MAPRE2: variants seen among roughly 807,000 people sequenced by gnomAD.
The protein encoded by MAPRE2 is microtubule associated protein RP/EB family member 2, also known as microtubule-associated protein RP/EB family member 2.
Under a neutral mutation model 43.2 loss-of-function variants are expected in MAPRE2, and 13 were observed. The observed-to-expected ratio is 0.30, with a 90% confidence interval of 0.20 to 0.48. The LOEUF is 0.48. Among genes scored for constraint, MAPRE2 ranks in the 20% least tolerant of loss-of-function variants. MAPRE2 has a pLI of 0.99. For synonymous variants in MAPRE2, 135 were observed against 148.8 expected (o/e 0.91, Z 0.68); for missense variants, 161 against 400.2 (o/e 0.40, Z 5.10).
At chr18:35,077,245 GCGCGCA>G (rs1249593997) in intron 2 of MAPRE2, among the ~76,000 whole-genome samples, 2 of 122,470 alleles carry the variant, frequency 1.6e-5, no homozygotes, top group Admixed American at 7.9e-5. Context: ...GCGCGTGCGC[GCGCGCA>G]CACACACACA....
intron 2 of MAPRE2, among the ~76,000 whole-genome samples, chr18:35,028,701 G>A (rs964976541): frequency 6.6e-6 from 1 of 152,196 alleles, no homozygotes; most frequent in Non-Finnish European, 1.5e-5. Flanking sequence ...CCGAAAGAGG[G>A]AGGAGCAAAC....
chr18:35,042,083 A>T (rs1191156467), intron 1 of MAPRE2, among the ~76,000 whole-genome samples: 1 of 152,120 alleles, frequency 6.6e-6, no homozygotes, highest in Non-Finnish European at 1.5e-5. Context: ...TAACCTGGAG[A>T]GTGTGCAGGA....
intron 1 of MAPRE2, among the ~76,000 whole-genome samples, chr18:35,049,687 T>G (rs1407167874): frequency 6.6e-6 from 1 of 152,198 alleles, no homozygotes; most frequent in Non-Finnish European, 1.5e-5. Flanking sequence ...TGGCTGTCAT[T>G]GGTTCAGAAG....
intron 2 of MAPRE2, among the ~76,000 whole-genome samples, chr18:35,008,444 G>T (rs1422175516): frequency 6.6e-6 from 1 of 151,958 alleles, no homozygotes; most frequent in African/African-American, 2.4e-5. Context: ...TTCCATTTTT[G>T]CATATTTGGT....
chr18:34,979,671 A>T (rs926049417), intron 1 of MAPRE2, among the ~76,000 whole-genome samples: 2 of 152,204 alleles, frequency 1.3e-5, no homozygotes, highest in African/African-American at 4.8e-5. Context: ...TAAATTTTGC[A>T]TACAAAAAAG....
At chr18:35,054,517 T>C (rs1906115937) in intron 1 of MAPRE2, among the ~76,000 whole-genome samples, 3 of 152,202 alleles carry the variant, frequency 2.0e-5, no homozygotes, top group Admixed American at 1.3e-4. Flanking sequence ...AGTCAGATGA[T>C]TCTCTCTGTT....
intron 4 of MAPRE2, among the ~76,000 whole-genome samples, chr18:35,111,334 T>C (rs1049281293): frequency 6.6e-6 from 1 of 152,238 alleles, no homozygotes; most frequent in African/African-American, 2.4e-5. Context: ...GCATATTTCC[T>C]TTACTTCACT....
Position 34,980,619 on chromosome 18 carries a change from T to C in MAPRE2, c.-70+3540T>C, listed in dbSNP as rs191867257. 1.0e-3 allele frequency among the ~76,000 whole-genome samples: 156 copies of C among 152,328 alleles called. 1 individual carries two copies. Among genetic ancestry groups the C allele is most frequent in the Admixed American group, 8.2e-3 (126 of 15,300 alleles). ...TTCCAAGACAGACATTCCAGATATA[T>C]AGAAGCCAAAGTCCTGTCACAATTC... is the stretch of plus-strand genomic sequence containing the variant. On this transcript the variant is annotated intron_variant, in intron 1 of 7. Transcript: ENST00000413393.
chr18:35,090,996 C>G (rs980085388), intron 2 of MAPRE2, among the ~76,000 whole-genome samples: 1 of 152,076 alleles, frequency 6.6e-6, no homozygotes, highest in Non-Finnish European at 1.5e-5. Context: ...TAAGAATAAA[C>G]TTAGCGAAGG....
chr18:35,002,518 A>G (rs2097029868), intron 1 of MAPRE2, among the ~76,000 whole-genome samples: 1 of 152,210 alleles, frequency 6.6e-6, no homozygotes, highest in African/African-American at 2.4e-5. Context: ...ACCATTTTAC[A>G]TTCTCAGAAG....
chr18:34,985,736 T>A (rs1315918396), intron 1 of MAPRE2, among the ~76,000 whole-genome samples: 3 of 92,072 alleles, frequency 3.3e-5, no homozygotes, highest in Non-Finnish European at 7.3e-5. Flanking sequence ...AATATATAAA[T>A]ATATATTATA....
chr18:35,047,254 A>G (rs575552581), intron 1 of MAPRE2, among the ~76,000 whole-genome samples: 2 of 152,352 alleles, frequency 1.3e-5, no homozygotes, highest in African/African-American at 4.8e-5. Context: ...AAGTTAGAAT[A>G]TATATCTAAG....
Position 35,089,694 on chromosome 18 carries a change from A to G in MAPRE2, c.251-7752A>G, listed in dbSNP as rs1908050449. Among the ~76,000 whole-genome samples the G allele has an allele frequency of 2.0e-5, 3 of 152,240 alleles. 1 individual carries two copies. Among genetic ancestry groups the G allele is most frequent in the Non-Finnish European group, 4.4e-5 (3 of 68,036 alleles). On this transcript the variant is annotated intron_variant, in intron 2 of 6. Coordinates refer to ENST00000300249, the MANE Select transcript of MAPRE2 (RefSeq NM_014268.4). ...GAGCCCTCATCTGTTGCTGGTAGAA[A>G]TATAAAATAGTACACCTGCTTTGGA...
intron 3 of MAPRE2, among the ~76,000 whole-genome samples, chr18:35,101,376 C>T (rs919986031): frequency 6.6e-6 from 1 of 152,192 alleles, no homozygotes; most frequent in Admixed American, 6.5e-5. Flanking sequence ...TCCATTCCCT[C>T]AAGCATTTAC....
intron 2 of MAPRE2, among the ~76,000 whole-genome samples, chr18:35,094,158 CA>C (rs1166912937): frequency 6.6e-6 from 1 of 152,024 alleles, no homozygotes; most frequent in African/African-American, 2.4e-5. Context: ...ATGGATATGC[CA>C]AATACCCTGA....
At chr18:35,048,585 ATG>A (rs1905762546) in intron 1 of MAPRE2, among the ~76,000 whole-genome samples, 2 of 149,680 alleles carry the variant, frequency 1.3e-5, no homozygotes, top group Non-Finnish European at 3.0e-5. Context: ...TGTATTATAT[ATG>A]TGTGTATGTA....
At chr18:35,069,845 C>A (rs1003795336) in intron 1 of MAPRE2, among the ~76,000 whole-genome samples, 1 of 151,980 alleles carries the variant, frequency 6.6e-6, no homozygotes, top group African/African-American at 2.4e-5. Flanking sequence ...ATGTATGAAA[C>A]TAACAGATTA....
chr18:35,064,025 A>G (rs1906702192), intron 1 of MAPRE2, among the ~76,000 whole-genome samples: 1 of 142,896 alleles, frequency 7.0e-6, no homozygotes, highest in East Asian at 2.1e-4. Flanking sequence ...AAAAAAAAAA[A>G]AAAAAAAATC....
At chr18:35,131,389 T>G (rs943733846) in intron 5 of MAPRE2, among the ~76,000 whole-genome samples, 1 of 152,188 alleles carries the variant, frequency 6.6e-6, no homozygotes, top group African/African-American at 2.4e-5. Context: ...ACAGGGTGAC[T>G]TATAAACAAC....
Sources: gnomAD v4.1 joint callset for allele counts (sites outside exome capture counted in the v4.1 genomes callset) on GRCh38, gnomAD v4.1.1 for gene constraint, MANE v1.5 for transcripts, NCBI Gene and HGNC (gene_info 2026-07-23, HGNC 2026-07-21) for gene names.